Variants in INTS8 observed in about 807,000 individuals in gnomAD.
The protein encoded by INTS8 is protein kaonashi-1.
In INTS8, 47 loss-of-function variants were observed where a neutral mutation model predicts 138.9. The observed-to-expected ratio is 0.34, with a 90% confidence interval of 0.27 to 0.43. The LOEUF is 0.43. Among genes scored for constraint, INTS8 ranks in the 20% least tolerant of loss-of-function variants. The probability of loss-of-function intolerance (pLI) is 1.00; values close to 1 mark genes in which losing one functional copy is unlikely to be tolerated. For missense variants in INTS8, 996 were observed against 1,173.0 expected, an observed-to-expected ratio of 0.85 and a Z score of 2.20; for synonymous variants, 392 against 400.9, an observed-to-expected ratio of 0.98 and a Z score of 0.27.
intron 2 of INTS8, among the ~76,000 whole-genome samples, chr8:94,826,129 T>G (rs568069485): frequency 5.3e-5 from 8 of 152,228 alleles, no homozygotes; most frequent in Non-Finnish European, 1.2e-4. Context: ...TTAGGATAGC[T>G]CCTTAAATTG....
At chr8:94,861,468 A>G (rs367963254) in intron 16 of INTS8, among the ~76,000 whole-genome samples, 6 of 151,576 alleles carry the variant, frequency 4.0e-5, no homozygotes, top group African/African-American at 1.2e-4. Context: ...TCACCGTGTT[A>G]GCCAGGATGG....
intron 14 of INTS8, among the ~76,000 whole-genome samples, chr8:94,854,374 T>C (rs549684111): frequency 1.2e-4 from 19 of 152,350 alleles, no homozygotes; most frequent in African/African-American, 2.6e-4. Context: ...TTTACCGTTA[T>C]AATTATACTA....
chr8:94,832,714 G>A (rs528134951), intron 6 of INTS8, among the ~76,000 whole-genome samples: 3 of 152,118 alleles, frequency 2.0e-5, no homozygotes, highest in Non-Finnish European at 2.9e-5. Flanking sequence ...GAGTGCAGTG[G>A]CATGATCTCA....
Position 94,849,512 on chromosome 8 carries a change from A to G in INTS8, c.1311A>G (p.Gly437=). 1.3e-6 allele frequency: 2 copies of G among 1,566,442 alleles called. No homozygotes were observed. Among genetic ancestry groups the G allele is most frequent in the East Asian group, 2.3e-5 (1 of 43,962 alleles). The change falls in exon 11 of 27, where the codon GGA becomes GGG. Residue 437 remains glycine (G), a synonymous_variant. Transcript: ENST00000523731. ...NLEKASESLK[G]NMAAFLKNVC... ...AAAAAGCTTCAGAGTCTTTGAAAGG[A>G]AACATGGCTGCTTTTCTAAAGTAAG...
intron 9 of INTS8, among the ~76,000 whole-genome samples, 162 bp from the exon 10 acceptor site, chr8:94,842,185 C>T (rs1815161187): frequency 6.6e-6 from 1 of 151,606 alleles, no homozygotes; most frequent in Admixed American, 6.6e-5. Flanking sequence ...ATTCTGCTTT[C>T]TTTCTCCCCA....
chr8:94,841,701 A>G, intron 9 of INTS8, 110 bp downstream of exon 9: 1 of 638,176 alleles, frequency 1.6e-6, no homozygotes. Flanking sequence ...CATTATTTTC[A>G]TGTTGTTAAT....
chr8:94,878,786 T>A (rs1816668400), intron 26 of INTS8, among the ~76,000 whole-genome samples: 1 of 152,226 alleles, frequency 6.6e-6, no homozygotes, highest in Admixed American at 6.5e-5. Flanking sequence ...AAATGCCAGA[T>A]CCAGTGGATA....
intron 10 of INTS8, among the ~76,000 whole-genome samples, chr8:94,848,276 G>A (rs1166332548): frequency 6.6e-6 from 1 of 152,074 alleles, no homozygotes; most frequent in Non-Finnish European, 1.5e-5. Context: ...GCCTCCCAAA[G>A]TGCTGGGATT....
rs1401446223 is a variant in INTS8, at chr8:94,849,476, A to G, written c.1275A>G (p.Ser425=). The G allele has an allele frequency of 1.3e-6, 2 of 1,539,936 alleles. No individual in the cohort carries two copies. The highest frequency in any genetic ancestry group is 4.6e-5 in the East Asian group (2 of 43,902). ...IDFLLEVCSR[S]VNLEKASESL... ...CAAATTCCTAGGTATGTTCAAGATCAGTAAATTTAGAAAAAGCTTCAGAGT... is the reference window on the plus strand; with the variant it reads ...CAAATTCCTAGGTATGTTCAAGATCGGTAAATTTAGAAAAAGCTTCAGAGT... Residue 425 remains serine (S), a synonymous_variant, in exon 11 of 27, where the codon TCA becomes TCG. Transcript: ENST00000523731.
chr8:94,845,963 A>G (rs142718578), intron 10 of INTS8, among the ~76,000 whole-genome samples: 221 of 152,322 alleles, frequency 1.5e-3, no homozygotes, highest in African/African-American at 5.2e-3. Flanking sequence ...ACATGTTTAC[A>G]TTATTGGGTG....
rs566654927 is a variant in INTS8, at chr8:94,862,764, TAGAGAA to T, written c.2077-2738_2077-2733del. 2.4e-3 allele frequency among the ~76,000 whole-genome samples: 368 copies of T among 152,086 alleles called. 3 individuals carry two copies. The highest frequency in any genetic ancestry group is 8.6e-3 in the African/African-American group (355 of 41,410). On this transcript the variant is annotated intron_variant, in intron 16 of 26. Coordinates refer to ENST00000523731, the MANE Select transcript of INTS8 (RefSeq NM_017864.4). ...TTGTTAATGTCAAGGAAAAAGGAAT[TAGAGAA>T]AGAAGTTTAGAATGAGGGATTGTGT...
At chr8:94,854,033 A>AGG in intron 14 of INTS8, 118 bp downstream of exon 14, 1 of 586,610 alleles carries the variant, frequency 1.7e-6, no homozygotes, top group Non-Finnish European at 3.1e-6. Flanking sequence ...AACTGAGGTC[A>AGG]AGACCAGCCT....
intron 17 of INTS8, 43 bp downstream of exon 17, chr8:94,865,733 A>G (rs753885694): frequency 6.6e-7 from 1 of 1,523,096 alleles, no homozygotes; most frequent in Non-Finnish European, 9.1e-7. Context: ...TGAGTTCTTA[A>G]TATTTATCCT....
At chr8:94,835,639 G>T (rs556231582) in intron 6 of INTS8, among the ~76,000 whole-genome samples, 8 of 150,942 alleles carry the variant, frequency 5.3e-5, no homozygotes, top group African/African-American at 1.7e-4. Context: ...TCGCCCTGTC[G>T]CCCAGGCTGG....
chr8:94,870,317 C>T (rs931884707), intron 20 of INTS8, among the ~76,000 whole-genome samples: 1 of 152,168 alleles, frequency 6.6e-6, no homozygotes, highest in African/African-American at 2.4e-5. Flanking sequence ...TCCCAAAGTA[C>T]TGGTATTACA....
chr8:94,870,062 T>C (rs1343903480), intron 20 of INTS8, among the ~76,000 whole-genome samples: 2 of 151,826 alleles, frequency 1.3e-5, no homozygotes, highest in Admixed American at 1.3e-4. Context: ...TATTTATTTT[T>C]TTTTTTTGAG....
intron 20 of INTS8, among the ~76,000 whole-genome samples, chr8:94,869,267 C>G (rs1016688958): frequency 3.3e-5 from 5 of 151,988 alleles, no homozygotes; most frequent in Admixed American, 2.6e-4. Context: ...CAGGCGTGAG[C>G]CACCACGGCC....
In INTS8 at chr8:94,880,451, T is replaced by G; in HGVS notation, c.*217T>G. 1 of 332,626 alleles carries G rather than the reference T, an allele frequency of 3.0e-6. No homozygotes were observed. The allele number at this position is 332,626 out of a possible 1,614,324, so 20.6% of individuals were successfully genotyped here. On this transcript the variant is annotated 3_prime_UTR_variant, in exon 27 of 27. Transcript: ENST00000523731. Reference sequence around the variant, plus strand: ...TCTTCAAAGGGAGAAGAGATTCACATATCTGATAACAAAATAAACTAGCAA... The same window carrying G: ...TCTTCAAAGGGAGAAGAGATTCACAGATCTGATAACAAAATAAACTAGCAA...
intron 10 of INTS8, among the ~76,000 whole-genome samples, chr8:94,842,759 A>T (rs1815182002): frequency 1.3e-5 from 2 of 152,152 alleles, no homozygotes. Flanking sequence ...TTCTGTTCAT[A>T]GAACTTTTGT....
Sources: allele counts gnomAD v4.1 joint callset (sites outside exome capture counted in the v4.1 genomes callset), GRCh38; gene constraint gnomAD v4.1.1; transcripts MANE v1.5; gene names NCBI Gene and HGNC (gene_info 2026-07-23, HGNC 2026-07-21).